Variants in ADGRV1 observed in about 807,000 individuals in gnomAD.
ADGRV1 encodes the protein G-protein coupled receptor 98.
Under a neutral mutation model 596.2 loss-of-function variants are expected in ADGRV1, and 359 were observed. The observed-to-expected ratio is 0.60, with a 90% CI of 0.55 to 0.66. ADGRV1 has a LOEUF of 0.66. Ranked by LOEUF, ADGRV1 falls within the 30% of genes least tolerant of loss-of-function variation. ADGRV1 has a pLI of 0.00. For synonymous variants in ADGRV1, 2,681 were observed against 2,679.2 expected (o/e 1.00, Z -0.02); for missense variants, 7,274 against 7,575.6 (o/e 0.96, Z 1.48).
Position 90,729,715 on chromosome 5 carries a change from T to C in ADGRV1, c.10500T>C (p.Asp3500=). 6.2e-7 allele frequency: 1 copy of C among 1,612,580 alleles called. No homozygotes were observed. Among genetic ancestry groups the C allele is most frequent in the Non-Finnish European group, 8.5e-7 (1 of 1,178,780 alleles). The change falls in exon 50 of 90, where the codon GAT becomes GAC. Residue 3500 remains aspartate (D), a synonymous_variant. Transcript: ENST00000405460. ...CCTTCAGGTATTTTCAGTCTGTAGATTTTGCTGCTGTTAACAGAATCCACT... is the reference window on the plus strand; with the variant it reads ...CCTTCAGGTATTTTCAGTCTGTAGACTTTGCTGCTGTTAACAGAATCCACT... ...QSSFRYFQSV[D]FAAVNRIHSF... is the part of the protein sequence containing the mutation.
intron 86 of ADGRV1, among the ~76,000 whole-genome samples, chr5:91,095,529 G>T (rs1790777530): frequency 6.6e-6 from 1 of 152,060 alleles, no homozygotes; most frequent in South Asian, 2.1e-4. Flanking sequence ...CAGTTTATTT[G>T]CTGAGAACAG....
At chr5:90,800,797 T>C (rs756791043) in intron 70 of ADGRV1, among the ~76,000 whole-genome samples, 8 of 152,144 alleles carry the variant, frequency 5.3e-5, no homozygotes, top group Non-Finnish European at 1.2e-4. Context: ...CTGGAAACTG[T>C]CATTCTCAGC....
At chr5:90,687,155 G>A (rs1431158616) in intron 29 of ADGRV1, among the ~76,000 whole-genome samples, 1 of 151,916 alleles carries the variant, frequency 6.6e-6, no homozygotes, top group Admixed American at 6.6e-5. Context: ...CTCACATTTT[G>A]TAAGTTGCCT....
intron 70 of ADGRV1, among the ~76,000 whole-genome samples, chr5:90,794,300 T>A (rs1336536153): frequency 6.6e-6 from 1 of 152,220 alleles, no homozygotes; most frequent in Non-Finnish European, 1.5e-5. Flanking sequence ...CCTTCGAGTG[T>A]CAACTGTTAG....
chr5:90,927,884 C>T (rs1256469046), intron 83 of ADGRV1, among the ~76,000 whole-genome samples: 5 of 152,058 alleles, frequency 3.3e-5, no homozygotes, highest in African/African-American at 9.7e-5. Flanking sequence ...TTCTCCTTCA[C>T]TTATGAAGCG....
At chr5:91,098,762 C>CTTT (rs1791106726) in intron 86 of ADGRV1, among the ~76,000 whole-genome samples, 1 of 150,746 alleles carries the variant, frequency 6.6e-6, no homozygotes, top group African/African-American at 2.5e-5. Context: ...TCTGTCAGCA[C>CTTT]ATACCACTCG....
chr5:91,145,622 CA>C (rs1795471487), intron 87 of ADGRV1, among the ~76,000 whole-genome samples: 1 of 144,238 alleles, frequency 6.9e-6, no homozygotes, highest in South Asian at 2.6e-4. Context: ...TTATCATACA[CA>C]ATTTAGAATA....
chr5:90,599,796 CA>C lies in ADGRV1; in HGVS notation c.23-15036del, dbSNP rs1761180835. Among the ~76,000 whole-genome samples the C allele has an allele frequency of 2.6e-5, 4 of 152,032 alleles. No homozygotes were observed. The South Asian group carries it at 6.2e-4, about 24-fold the overall frequency. On this transcript the variant is annotated intron_variant, in intron 1 of 89. Coordinates refer to ENST00000405460, the MANE Select transcript of ADGRV1 (RefSeq NM_032119.4). ...AATAATACTGTAAAGTCATTGGCTT[CA>C]AACTTCCTGGGATGGAAATGTTTGT...
chr5:90,732,843 C>A (rs1322364193), intron 50 of ADGRV1, among the ~76,000 whole-genome samples: 1 of 152,194 alleles, frequency 6.6e-6, no homozygotes, highest in Non-Finnish European at 1.5e-5. Flanking sequence ...ATTATGAAAA[C>A]AGCATTATTT....
intron 83 of ADGRV1, among the ~76,000 whole-genome samples, chr5:90,949,785 T>A (rs1261948624): frequency 6.6e-6 from 1 of 152,198 alleles, no homozygotes; most frequent in African/African-American, 2.4e-5. Flanking sequence ...TTATAGAATG[T>A]TAGAGCTGTA....
chr5:90,745,435 A>G (rs944376197), intron 51 of ADGRV1, among the ~76,000 whole-genome samples, 156 bp from the exon 52 acceptor site: 1 of 152,214 alleles, frequency 6.6e-6, no homozygotes, highest in Non-Finnish European at 1.5e-5. Context: ...TATCAAGTTT[A>G]TCAGTATTAC....
chr5:91,161,235 G>C (rs1026224593), intron 89 of ADGRV1, among the ~76,000 whole-genome samples: 1 of 152,168 alleles, frequency 6.6e-6, no homozygotes, highest in African/African-American at 2.4e-5. Flanking sequence ...CCAGTTCACT[G>C]AGGTTCTTCC....
rs367623824 is a variant in ADGRV1 at position 91,102,918 on chromosome 5, A to G, written c.18432+578A>G. On this transcript the variant is annotated intron_variant, in intron 87 of 89. Transcript: ENST00000405460. The stretch of plus-strand genomic sequence containing the variant: ...CTGAGATTTTTAGTACTTTTGTTAA[A>G]TGGAAAAATGTTGCACCCTGATATT... 7.9e-5 allele frequency among the ~76,000 whole-genome samples: 12 copies of G among 152,246 alleles called. No individual in the cohort carries two copies. In the East Asian group the frequency reaches 9.6e-4, roughly 12 times the overall value.
intron 44 of ADGRV1, 113 bp downstream of exon 44, chr5:90,720,336 T>C: frequency 1.4e-6 from 1 of 718,772 alleles, no homozygotes; most frequent in Non-Finnish European, 2.2e-6. Context: ...AAAGGGATTT[T>C]TAAAATGAAC....
intron 86 of ADGRV1, among the ~76,000 whole-genome samples, chr5:91,092,323 T>A (rs1383186363): frequency 6.6e-6 from 1 of 152,142 alleles, no homozygotes; most frequent in Non-Finnish European, 1.5e-5. Flanking sequence ...GGTCTCGAAC[T>A]CCTGACCTCA....
chr5:91,037,079 G>A (rs1398132903), intron 85 of ADGRV1, among the ~76,000 whole-genome samples: 2 of 152,208 alleles, frequency 1.3e-5, no homozygotes, highest in African/African-American at 2.4e-5. Flanking sequence ...AAGCAGCACT[G>A]CTCCATGTTC....
Position 91,051,609 on chromosome 5 carries a change from C to T in ADGRV1, c.18153-20838C>T, listed in dbSNP as rs181721372. Among the ~76,000 whole-genome samples the T allele has an allele frequency of 3.8e-3, 532 of 141,380 alleles. 2 individuals are homozygous for T. Among genetic ancestry groups the T allele is most frequent in the African/African-American group, 0.013 (493 of 37,266 alleles). The allele number at this position is 141,380 out of a possible 152,430, so 92.8% of individuals were successfully genotyped here. A position where few individuals can be genotyped will look rare whatever the true frequency, so the allele number is the denominator to read the frequency against. ...TCGCCCAGGCTGGAGTGCAGTGGCG[C>T]GATCTCGGCTCACTGCAAGCACCAC... On this transcript the variant is annotated intron_variant, in intron 85 of 89. Coordinates refer to ENST00000405460, the MANE Select transcript of ADGRV1 (RefSeq NM_032119.4).
intron 45 of ADGRV1, among the ~76,000 whole-genome samples, chr5:90,722,873 A>G (rs1353544924): frequency 3.3e-5 from 5 of 151,990 alleles, no homozygotes; most frequent in African/African-American, 9.7e-5. Flanking sequence ...GGAAGAGGAC[A>G]CTATAGACTG....
Position 90,694,191 on chromosome 5 carries a change from T to A in ADGRV1, c.7435T>A (p.Phe2479Ile), listed in dbSNP as rs774419468. The change falls in exon 33 of 90, where the codon TTC (phenylalanine) becomes ATC (isoleucine). Residue 2479 changes from phenylalanine to isoleucine, a missense_variant. Transcript: ENST00000405460. ...CAGCCCAGCTGTCAACAATTCAGAC[T>A]TCTGGACCTACAGGAAAAACATGAC... ...WISPAVNNSDFWTYRKNMTRV... is the reference protein window; with the variant it reads ...WISPAVNNSDIWTYRKNMTRV... 1.2e-6 allele frequency: 2 copies of A among 1,613,790 alleles called. No individual in the cohort carries two copies. Among genetic ancestry groups the A allele is most frequent in the African/African-American group, 2.7e-5 (2 of 74,928 alleles).
Sources: allele counts gnomAD v4.1 joint callset (sites outside exome capture counted in the v4.1 genomes callset), GRCh38; gene constraint gnomAD v4.1.1; transcripts MANE v1.5; gene names NCBI Gene and HGNC (gene_info 2026-07-23, HGNC 2026-07-21).